The following CMPK1 variants were observed in gnomAD, a reference collection of about 807,000 sequenced individuals.
CMPK1 encodes the protein cytidine/uridine monophosphate kinase 1.
Under a neutral mutation model 25.7 loss-of-function variants are expected in CMPK1, and 10 were observed. The ratio of observed to expected loss-of-function variants is 0.39; its 90% CI spans 0.24 to 0.66. The LOEUF (loss-of-function observed/expected upper bound fraction) is 0.66, where lower values mean the gene tolerates loss of function less well. Ranked by LOEUF, CMPK1 falls within the 30% of genes least tolerant of loss-of-function variation. CMPK1 has a pLI of 0.48. For missense variants in CMPK1, 199 were observed against 280.5 expected, an observed-to-expected ratio of 0.71 and a Z score of 2.08; for synonymous variants, 106 against 101.5, an observed-to-expected ratio of 1.04 and a Z score of -0.27.
chr1:47,358,268 A>G (rs1557809434), intron 1 of CMPK1: 2 of 488,386 alleles, frequency 4.1e-6, no homozygotes, highest in Non-Finnish European at 7.8e-6. Context: ...GCACGTCACC[A>G]TGACAGGCTA....
chr1:47,374,878 A>G (rs762529412), intron 3 of CMPK1, 31 bp from the exon 4 acceptor site: 1 of 1,525,774 alleles, frequency 6.6e-7, no homozygotes, highest in Non-Finnish European at 9.0e-7. Context: ...ATTCATATCT[A>G]TATTTTTAAT....
At chr1:47,356,061 T>G (rs1646558945) in intron 1 of CMPK1, among the ~76,000 whole-genome samples, 1 of 152,224 alleles carries the variant, frequency 6.6e-6, no homozygotes, top group Non-Finnish European at 1.5e-5. Context: ...TCCTAGCTGT[T>G]TTGGTTCTTG....
At chr1:47,335,412 GC>G (rs1223178410) in intron 1 of CMPK1, among the ~76,000 whole-genome samples, 2 of 152,122 alleles carry the variant, frequency 1.3e-5, no homozygotes, top group Non-Finnish European at 1.5e-5. Context: ...GCCGAGGCTG[GC>G]GGATCACGAG....
chr1:47,344,941 G>A (rs190745614), intron 1 of CMPK1, among the ~76,000 whole-genome samples: 47 of 151,892 alleles, frequency 3.1e-4, no homozygotes, highest in African/African-American at 1.1e-3. Flanking sequence ...TTTTTACAAG[G>A]ACTCTGGCTC....
intron 2 of CMPK1, among the ~76,000 whole-genome samples, chr1:47,369,862 CA>C (rs1258242871): frequency 2.3e-5 from 3 of 131,418 alleles, no homozygotes; most frequent in South Asian, 2.4e-4. Flanking sequence ...GCCCGGCCCC[CA>C]ATTTTTTTTT....
intron 1 of CMPK1, among the ~76,000 whole-genome samples, chr1:47,359,080 A>G (rs1646583014): frequency 6.6e-6 from 1 of 152,112 alleles, no homozygotes; most frequent in South Asian, 2.1e-4. Flanking sequence ...GCACTTTGGG[A>G]GGCCGAGGTG....
chr1:47,336,827 G>T (rs931556334), intron 1 of CMPK1, among the ~76,000 whole-genome samples: 1 of 152,166 alleles, frequency 6.6e-6, no homozygotes, highest in Non-Finnish European at 1.5e-5. Context: ...TGCCTGGCCT[G>T]GTTATTTTTA....
chr1:47,334,128 G>A lies in CMPK1; in HGVS notation c.171+12G>A, dbSNP rs1203994376. On this transcript the variant is annotated intron_variant, in intron 1 of 5. Coordinates refer to ENST00000371873, the MANE Select transcript of CMPK1 (RefSeq NM_016308.3). ...CCCGCATCGTCGAGGTGAGGCCCGG[G>A]CAGCAGGCGGGCTCCTTGGGGCTTG... The A allele has an allele frequency of 2.0e-6, 3 of 1,486,216 alleles. No homozygotes were observed. Among genetic ancestry groups the A allele is most frequent in the Non-Finnish European group, 2.7e-6 (3 of 1,112,092 alleles). 92.1% of individuals were successfully genotyped at this position (1,486,216 alleles called of 1,614,324 possible). A position where few individuals can be genotyped will look rare whatever the true frequency, so the allele number is the denominator to read the frequency against.
chr1:47,339,701 CTTT>C lies in CMPK1; in HGVS notation c.171+5607_171+5609del, dbSNP rs71053104. Among the ~76,000 whole-genome samples, 98 of 109,948 alleles carry C rather than the reference CTTT, an allele frequency of 8.9e-4. No individual in the cohort carries two copies. In the East Asian group the frequency reaches 0.017, roughly 19 times the overall value. The allele number at this position is 109,948 out of a possible 152,430, so 72.1% of individuals were successfully genotyped here. A position where few individuals can be genotyped will look rare whatever the true frequency, so the allele number is the denominator to read the frequency against. On this transcript the variant is annotated intron_variant, in intron 1 of 5. Coordinates refer to ENST00000371873, the MANE Select transcript of CMPK1 (RefSeq NM_016308.3). ...TGATTTCTTTTTCTTTCTTCCTTTC[CTTT>C]TTTTTTTTTTTTTTTTTTTTTAAGA...
intron 1 of CMPK1, among the ~76,000 whole-genome samples, chr1:47,341,733 G>C (rs914403801): frequency 1.3e-5 from 2 of 151,856 alleles, no homozygotes; most frequent in African/African-American, 2.4e-5. Flanking sequence ...TTGCCTCCCA[G>C]GTTCAAGCGA....
At chr1:47,354,404 T>C (rs1235453372) in intron 1 of CMPK1, among the ~76,000 whole-genome samples, 2 of 152,118 alleles carry the variant, frequency 1.3e-5, no homozygotes, top group Non-Finnish European at 2.9e-5. Flanking sequence ...TGTATATGTG[T>C]ATATTGTAAA....
At chr1:47,351,662 A>G (rs540806184) in intron 1 of CMPK1, among the ~76,000 whole-genome samples, 10 of 152,146 alleles carry the variant, frequency 6.6e-5, no homozygotes, top group Non-Finnish European at 1.5e-4. Flanking sequence ...CCACTAAACT[A>G]TTTTCCACAG....
At chr1:47,364,627 A>G (rs1646626429) in intron 1 of CMPK1, among the ~76,000 whole-genome samples, 1 of 148,106 alleles carries the variant, frequency 6.8e-6, no homozygotes, top group African/African-American at 2.4e-5. Context: ...ATATATTTAT[A>G]TTTTTAATAT....
At chr1:47,338,513 TTCCC>T (rs1290836954) in intron 1 of CMPK1, among the ~76,000 whole-genome samples, 7 of 95,154 alleles carry the variant, frequency 7.4e-5, no homozygotes, top group Middle Eastern at 6.6e-3. Context: ...CCTTCCTTCC[TTCCC>T]TCCCTCCCTC....
intron 1 of CMPK1, among the ~76,000 whole-genome samples, chr1:47,364,564 G>T (rs1007731117): frequency 6.6e-6 from 1 of 151,016 alleles, no homozygotes; most frequent in Non-Finnish European, 1.5e-5. Flanking sequence ...TGATCCACCC[G>T]CCTCAGCCTC....
intron 1 of CMPK1, among the ~76,000 whole-genome samples, chr1:47,341,485 C>T (rs537553866): frequency 1.3e-5 from 2 of 152,168 alleles, no homozygotes; most frequent in South Asian, 4.1e-4. Flanking sequence ...TCTCCTGCCT[C>T]AGCCTCCCAA....
intron 4 of CMPK1, 106 bp downstream of exon 4, chr1:47,375,091 G>A: frequency 2.4e-6 from 3 of 1,265,624 alleles, no homozygotes; most frequent in South Asian, 2.4e-5. Flanking sequence ...TGTTTAAGAT[G>A]TTAGGTCAAT....
Position 47,334,045 on chromosome 1 carries a change from A to C in CMPK1, c.100A>C (p.Lys34Gln), listed in dbSNP as rs367801328. 3 of 1,553,616 alleles carry C rather than the reference A, an allele frequency of 1.9e-6. No individual in the cohort carries two copies. Among genetic ancestry groups the C allele is most frequent in the African/African-American group, 2.8e-5 (2 of 72,032 alleles). Residue 34 changes from lysine to glutamine, a missense_variant, in exon 1 of 6, where the codon AAG (lysine) becomes CAG (glutamine). Around this residue, in one of 2 missense-constraint regions of CMPK1, gnomAD observed 59 missense variants for 45.1 expected, o/e 1.31. Transcript: ENST00000371873. ...TCTCCTCTGCTCTCCACGTCTCATG[A>C]AGCCGCTGGTCGTGTTCGTCCTCGG... ...PILLCSPRLMKPLVVFVLGGP... is the reference protein window; with the variant it reads ...PILLCSPRLMQPLVVFVLGGP...
rs114540114 is a variant in CMPK1 at position 47,375,754 on chromosome 1, G to A, written c.645+461G>A. On this transcript the variant is annotated intron_variant, in intron 5 of 5. Transcript: ENST00000371873. ...CCACAGAACAAGTAGCACCACAGGT[G>A]AAGGTTTCCATGACTTATCACTTCT... Among the ~76,000 whole-genome samples, 920 of 152,324 alleles carry A rather than the reference G, an allele frequency of 6.0e-3. 11 individuals carry two copies. Among genetic ancestry groups the A allele is most frequent in the African/African-American group, 0.021 (854 of 41,572 alleles).
Sources: allele counts gnomAD v4.1 joint callset (sites outside exome capture counted in the v4.1 genomes callset), GRCh38; gene constraint gnomAD v4.1.1; regional missense constraint gnomAD v4.1.1; transcripts MANE v1.5; gene names NCBI Gene and HGNC (gene_info 2026-07-23, HGNC 2026-07-21).